Variants in DPP6 observed in about 807,000 individuals in gnomAD.
The protein encoded by DPP6 is A-type potassium channel modulatory protein DPP6.
A neutral mutation model predicts 122.6 loss-of-function variants in DPP6; 69 were observed. That is an observed-to-expected ratio of 0.56 (90% confidence interval 0.46 to 0.69). DPP6 has a LOEUF of 0.69. Among genes scored for constraint, DPP6 ranks in the 30% least tolerant of loss-of-function variants. The pLI is 0.00. For missense variants in DPP6, 928 were observed against 1,116.9 expected, an observed-to-expected ratio of 0.83 and a Z score of 2.41; for synonymous variants, 418 against 433.1, an observed-to-expected ratio of 0.97 and a Z score of 0.43.
At chr7:154,879,933 C>G (rs1805250645) in intron 20 of DPP6, among the ~76,000 whole-genome samples, 1 of 152,226 alleles carries the variant, frequency 6.6e-6, no homozygotes, top group African/African-American at 2.4e-5. Flanking sequence ...CAGGAAATCT[C>G]TTCCGGTTTT....
At chr7:154,342,274 G>T (rs1365561697) in intron 1 of DPP6, among the ~76,000 whole-genome samples, 2 of 152,156 alleles carry the variant, frequency 1.3e-5, no homozygotes, top group Non-Finnish European at 2.9e-5. Context: ...GGAAAGGAAT[G>T]CCTCTGAATT....
At chr7:153,849,678 T>C in the DPP6 span, among the ~76,000 whole-genome samples, 1 of 152,186 alleles carries the variant, frequency 6.6e-6, no homozygotes, top group African/African-American at 2.4e-5. Context: ...TTTAAGTACA[T>C]ACAAATTTTG....
intron 7 of DPP6, among the ~76,000 whole-genome samples, chr7:154,705,614 C>A (rs180833743): frequency 6.8e-4 from 104 of 152,278 alleles, no homozygotes; most frequent in African/African-American, 2.3e-3. Flanking sequence ...GCTGGGGTGG[C>A]AGGGATGGAA....
chr7:153,860,107 A>G, the DPP6 span, among the ~76,000 whole-genome samples: 2 of 152,152 alleles, frequency 1.3e-5, no homozygotes, highest in African/African-American at 4.8e-5. Flanking sequence ...CATTTTCATG[A>G]TAGAGTTATT....
chr7:154,892,307 A>G (rs375588750), intron 25 of DPP6, 27 bp from the exon 26 acceptor site: 2 of 1,613,942 alleles, frequency 1.2e-6, no homozygotes, highest in African/African-American at 1.3e-5. Context: ...TACCTGGGAG[A>G]GTAATTTCTC....
chr7:154,886,055 G>C (rs904288559), intron 22 of DPP6, among the ~76,000 whole-genome samples: 4 of 152,246 alleles, frequency 2.6e-5, no homozygotes, highest in Middle Eastern at 3.2e-3. Context: ...GTGCGCAGGA[G>C]GGGAGCAGGT....
rs61038137 is a variant in DPP6, at chr7:154,483,401, T to TTTTTTTAAA, written c.457+8364_457+8365insTTTTTTAAA. On this transcript the variant is annotated intron_variant, in intron 3 of 25. Transcript: ENST00000377770. This position sits in a 1 kb window ranked among gnomAD's most constrained non-coding sequence, Gnocchi z 8.1. ...AGGCACAATACAATTTTTTTTTTTT[T>TTTTTTTAAA]AAAAGCATTTATTTGAGCAAACAGT... 5.3e-5 allele frequency among the ~76,000 whole-genome samples: 8 copies of TTTTTTTAAA among 151,248 alleles called. No individual in the cohort carries two copies. The highest frequency in any genetic ancestry group is 1.9e-4 in the African/African-American group (8 of 41,130).
At chr7:154,854,447 G>C (rs1802654752) in intron 17 of DPP6, among the ~76,000 whole-genome samples, 1 of 152,188 alleles carries the variant, frequency 6.6e-6, no homozygotes. Flanking sequence ...GGCATCAGTG[G>C]GAGGCGATTT....
Position 154,643,410 on chromosome 7 carries a change from AG to A in DPP6, c.680+5539del, listed in dbSNP as rs572117227. Among the ~76,000 whole-genome samples, 112 of 152,220 alleles carry A rather than the reference AG, an allele frequency of 7.4e-4. 1 individual carries two copies. Among genetic ancestry groups the A allele is most frequent in the Non-Finnish European group, 1.3e-3 (89 of 68,032 alleles). ...TAAGAAATTAAAAATCTTGTTGCAAAGGAAAGATACAGACTTATATAATAAA... is the reference window on the plus strand; with the variant it reads ...TAAGAAATTAAAAATCTTGTTGCAAAGAAAGATACAGACTTATATAATAAA... On this transcript the variant is annotated intron_variant, in intron 6 of 25. Coordinates refer to ENST00000377770, the MANE Select transcript of DPP6 (RefSeq NM_130797.4).
chr7:154,808,003 G>A (rs1230846488), intron 16 of DPP6, among the ~76,000 whole-genome samples: 1 of 152,182 alleles, frequency 6.6e-6, no homozygotes, highest in African/African-American at 2.4e-5. Context: ...TTTGCTGCTT[G>A]TCTGTATCTT....
intron 1 of DPP6, among the ~76,000 whole-genome samples, chr7:154,035,191 G>T (rs1238672840): frequency 2.0e-5 from 3 of 152,206 alleles, no homozygotes; most frequent in Admixed American, 2.0e-4. Flanking sequence ...CTCATCATTG[G>T]GGTTCAGTGG....
At chr7:154,837,964 C>T (rs1336733483) in intron 16 of DPP6, among the ~76,000 whole-genome samples, 1 of 152,030 alleles carries the variant, frequency 6.6e-6, no homozygotes, top group Non-Finnish European at 1.5e-5. Context: ...TATTCACATT[C>T]CCCCAAGCGA....
chr7:154,675,546 G>A (rs1358799833), intron 7 of DPP6, among the ~76,000 whole-genome samples: 7 of 152,260 alleles, frequency 4.6e-5, no homozygotes, highest in Middle Eastern at 3.4e-3. Flanking sequence ...CTGCAGGCCG[G>A]TCCTGCCGTG....
In DPP6 at chr7:154,807,107, G is replaced by T; in HGVS notation, c.1661G>T (p.Cys554Phe). Residue 554 changes from cysteine to phenylalanine, a missense_variant, in exon 16 of 26, where the codon TGC becomes TTC. By Grantham distance (205) the Cys-to-Phe change is radical. Transcript: ENST00000377770. The stretch of plus-strand genomic sequence containing the variant: ...AGCATGGACTTCTTCCTGCTCAAGT[G>T]CGAAGGTCAGCTCCTGCCACCCCGT... The part of the protein sequence containing the change: ...SHSMDFFLLK[C>F]EGPGVPMVTV... 6.2e-7 allele frequency: 1 copy of T among 1,612,788 alleles called. No individual in the cohort carries two copies.
chr7:154,460,248 C>T (rs1179317284), intron 2 of DPP6, among the ~76,000 whole-genome samples: 1 of 152,146 alleles, frequency 6.6e-6, no homozygotes, highest in Non-Finnish European at 1.5e-5. Flanking sequence ...TCCCAAAGTG[C>T]TGGGATTATA....
intron 1 of DPP6, among the ~76,000 whole-genome samples, chr7:154,060,204 GCGAGCCC>G (rs1801514631): frequency 6.9e-6 from 1 of 145,438 alleles, no homozygotes; most frequent in Non-Finnish European, 1.5e-5. Context: ...GGGACTGAGA[GCGAGCCC>G]CTCTTCCCCC....
chr7:154,162,978 A>C (rs1283165408), intron 1 of DPP6, among the ~76,000 whole-genome samples: 2 of 148,818 alleles, frequency 1.3e-5, no homozygotes, highest in Non-Finnish European at 3.0e-5. Context: ...GAATCTGTGC[A>C]TCGCTAGGGT....
intron 2 of DPP6, among the ~76,000 whole-genome samples, chr7:154,452,422 C>G (rs1341411788): frequency 5.9e-5 from 9 of 152,154 alleles, no homozygotes; most frequent in Admixed American, 5.9e-4. Flanking sequence ...GTGGAGAATC[C>G]AAGTCGTAAC....
intron 17 of DPP6, among the ~76,000 whole-genome samples, chr7:154,861,897 A>C (rs975169349): frequency 2.6e-5 from 4 of 152,148 alleles, no homozygotes; most frequent in African/African-American, 9.7e-5. Flanking sequence ...AAATGGAGAG[A>C]GAGGAGTCTT....
Sources: allele counts gnomAD v4.1 joint callset (sites outside exome capture counted in the v4.1 genomes callset), GRCh38; gene constraint gnomAD v4.1.1; non-coding constraint Gnocchi (gnomAD v3.1); transcripts MANE v1.5; gene names NCBI Gene and HGNC (gene_info 2026-07-23, HGNC 2026-07-21).